RSPH14: variants seen among roughly 807,000 people sequenced by gnomAD.
RSPH14 encodes radial spoke head 14 homolog, also known as rhabdoid tumor deletion region gene 1.
RSPH14 carries 20 observed loss-of-function variants against 26.7 expected under a neutral mutation model. The ratio of observed to expected loss-of-function variants is 0.75; its 90% CI spans 0.53 to 1.09. RSPH14 has a LOEUF of 1.09. Ranked by LOEUF, RSPH14 falls within the 50% of genes least tolerant of loss-of-function variation. The pLI is 0.00. For synonymous variants in RSPH14, 177 were observed against 189.3 expected (o/e 0.93, Z 0.53); for missense variants, 449 against 457.2 (o/e 0.98, Z 0.16).
the RSPH14 span, chr22:23,152,994 G>T: frequency 6.9e-7 from 1 of 1,447,666 alleles, no homozygotes; most frequent in Non-Finnish European, 9.7e-7. Flanking sequence ...GCACATTTCT[G>T]TGAGTACACC....
At chr22:23,150,206 G>T in the RSPH14 span, 1 of 1,387,872 alleles carries the variant, frequency 7.2e-7, no homozygotes, top group East Asian at 2.4e-5. Flanking sequence ...AGGAATGAGT[G>T]CATGAAGCAC....
the RSPH14 span, among the ~76,000 whole-genome samples, chr22:23,169,681 C>T: frequency 1.3e-5 from 2 of 152,100 alleles, no homozygotes; most frequent in South Asian, 2.1e-4. Context: ...AAAGAAATCA[C>T]GCTGAAGGAC....
At chr22:23,158,890 C>A in the RSPH14 span, 4 of 1,613,288 alleles carry the variant, frequency 2.5e-6, no homozygotes, top group Non-Finnish European at 3.4e-6. Context: ...TCTCTCCTTA[C>A]ACTCCAGGCA....
At chr22:23,180,576 C>T in the RSPH14 span, 1 of 38,578 alleles carries the variant, frequency 2.6e-5, no homozygotes, top group Non-Finnish European at 3.4e-5. Flanking sequence ...GAGGAGGCGG[C>T]GGCGGCGGCG....
At chr22:23,074,754 C>T (rs964147336) in intron 4 of RSPH14, among the ~76,000 whole-genome samples, 4 of 152,100 alleles carry the variant, frequency 2.6e-5, no homozygotes, top group African/African-American at 7.2e-5. Flanking sequence ...AGTGGCGCCT[C>T]GGGAGGCTGG....
At chr22:23,110,858 C>G (rs2069626805) in intron 4 of RSPH14, among the ~76,000 whole-genome samples, 1 of 152,228 alleles carries the variant, frequency 6.6e-6, no homozygotes, top group South Asian at 2.1e-4. Flanking sequence ...CCACCACACT[C>G]TGAGGCTGGC....
At chr22:23,151,472 CAGT>C in the RSPH14 span, among the ~76,000 whole-genome samples, 7 of 152,214 alleles carry the variant, frequency 4.6e-5, no homozygotes, top group Non-Finnish European at 1.0e-4. Context: ...CCAGGTGACA[CAGT>C]GGTGCCCTCT....
At chr22:23,066,022 C>T (rs1273708986) in intron 4 of RSPH14, among the ~76,000 whole-genome samples, 4 of 152,168 alleles carry the variant, frequency 2.6e-5, no homozygotes, top group Non-Finnish European at 5.9e-5. Context: ...CACGGTCTCC[C>T]TACCCACTCC....
the RSPH14 span, chr22:23,152,440 A>G: frequency 2.5e-6 from 4 of 1,613,956 alleles, no homozygotes; most frequent in African/African-American, 1.3e-5. Context: ...CCCGACGGCA[A>G]CACGGCCATA....
At chr22:23,072,646 C>T (rs1360023198) in intron 4 of RSPH14, among the ~76,000 whole-genome samples, 1 of 152,254 alleles carries the variant, frequency 6.6e-6, no homozygotes, top group Non-Finnish European at 1.5e-5. Flanking sequence ...AGAACAGGGC[C>T]TGCCCTCGTG....
At chr22:23,099,154 C>G (rs2069217659) in intron 4 of RSPH14, among the ~76,000 whole-genome samples, 1 of 152,272 alleles carries the variant, frequency 6.6e-6, no homozygotes, top group Non-Finnish European at 1.5e-5. Context: ...AGCCCCCCGG[C>G]CCACCCGCTG....
At chr22:23,159,015 TG>T in the RSPH14 span, 115 of 1,606,108 alleles carry the variant, frequency 7.2e-5, 2 homozygotes, top group Admixed American at 1.2e-4. Flanking sequence ...GGGTGGCCCT[TG>T]GGAAAATGCC....
chr22:23,176,436 GTTTC>G, the RSPH14 span, among the ~76,000 whole-genome samples: 2 of 152,186 alleles, frequency 1.3e-5, no homozygotes, highest in Non-Finnish European at 2.9e-5. Context: ...CTCACCACCT[GTTTC>G]TTTGTTTGAT....
intron 4 of RSPH14, among the ~76,000 whole-genome samples, chr22:23,130,039 GAGAGAAAGAA>G (rs1301277309): frequency 7.1e-6 from 1 of 141,194 alleles, no homozygotes; most frequent in Non-Finnish European, 1.5e-5. Context: ...AAAGGGAAGG[GAGAGAAAGAA>G]AGAGAAAGAA....
At chr22:23,089,059 C>A (rs866997310) in intron 4 of RSPH14, among the ~76,000 whole-genome samples, 22 of 152,192 alleles carry the variant, frequency 1.4e-4, no homozygotes, top group African/African-American at 5.1e-4. Context: ...GTCGCCCAAG[C>A]TCAGCATGGG....
At chr22:23,099,238 G>T (rs755302587) in intron 4 of RSPH14, among the ~76,000 whole-genome samples, 4 of 152,276 alleles carry the variant, frequency 2.6e-5, no homozygotes, top group Non-Finnish European at 5.9e-5. Context: ...TGCAGTGAGT[G>T]CAGGGCAGCA....
rs977923496 is a variant in RSPH14, at chr22:23,110,020, G to A, written c.421+24006C>T. Among the ~76,000 whole-genome samples, 12 of 152,206 alleles carry A rather than the reference G, an allele frequency of 7.9e-5. 1 individual carries two copies. The highest frequency in any genetic ancestry group is 4.1e-4 in the South Asian group (2 of 4,834). On this transcript the variant is annotated intron_variant, in intron 4 of 6. Transcript: ENST00000216036. Reference sequence around the variant, plus strand: ...CTGTCAAGGTAGCATTGAGGTTTGCGGGAGGAAGAGGGAAGCACTAACCAG... The same window carrying A: ...CTGTCAAGGTAGCATTGAGGTTTGCAGGAGGAAGAGGGAAGCACTAACCAG...
At chr22:23,124,430 C>T (rs953104012) in intron 4 of RSPH14, 19 of 469,390 alleles carry the variant, frequency 4.0e-5, no homozygotes, top group Non-Finnish European at 8.0e-5. Flanking sequence ...GGCAGTCCTG[C>T]GCCAGCCTCG....
chr22:23,122,720 G>T (rs572080406), intron 4 of RSPH14: 1 of 278,666 alleles, frequency 3.6e-6, no homozygotes, highest in South Asian at 7.0e-5. Flanking sequence ...GCAGCCTGTG[G>T]ATGGGCAGTG....
Sources: gnomAD v4.1 joint callset for allele counts (sites outside exome capture counted in the v4.1 genomes callset) on GRCh38, gnomAD v4.1.1 for gene constraint, MANE v1.5 for transcripts, NCBI Gene and HGNC (gene_info 2026-07-23, HGNC 2026-07-21) for gene names.